OPCML: variants seen among roughly 807,000 people sequenced by gnomAD.
OPCML encodes the protein opioid-binding protein/cell adhesion molecule.
Under a neutral mutation model 37.8 loss-of-function variants are expected in OPCML, and 13 were observed. That is an observed-to-expected ratio of 0.34 (90% CI 0.22 to 0.55). OPCML has a LOEUF of 0.55. Ranked by LOEUF, OPCML falls within the 20% of genes least tolerant of loss-of-function variation. The probability of loss-of-function intolerance (pLI) is 0.91; values close to 1 mark genes in which losing one functional copy is unlikely to be tolerated. For missense variants in OPCML, 341 were observed against 435.6 expected (o/e 0.78, Z 1.93); for synonymous variants, 176 against 168.8 (o/e 1.04, Z -0.33).
At chr11:132,903,842 T>C (rs1944144573) in intron 2 of OPCML, among the ~76,000 whole-genome samples, 1 of 152,110 alleles carries the variant, frequency 6.6e-6, no homozygotes, top group Non-Finnish European at 1.5e-5. Context: ...GGGAAAAAAA[T>C]GAGTGTTTGC....
intron 1 of OPCML, among the ~76,000 whole-genome samples, chr11:133,372,441 G>A (rs1331753142): frequency 1.3e-5 from 2 of 152,186 alleles, no homozygotes; most frequent in African/African-American, 4.8e-5. Context: ...TGAGGTTGTT[G>A]TGAGGTTGTA....
chr11:132,938,214 T>G (rs940765558), intron 2 of OPCML, among the ~76,000 whole-genome samples: 3 of 152,062 alleles, frequency 2.0e-5, no homozygotes, highest in African/African-American at 7.2e-5. Context: ...CACCACAGTA[T>G]CTATAGTCAA....
At chr11:132,994,180 G>C (rs1946834647) in intron 1 of OPCML, among the ~76,000 whole-genome samples, 1 of 152,240 alleles carries the variant, frequency 6.6e-6, no homozygotes, top group African/African-American at 2.4e-5. Flanking sequence ...ATGTAAATAA[G>C]ATTCAGGGCG....
intron 2 of OPCML, among the ~76,000 whole-genome samples, chr11:132,784,759 CT>C (rs977081116): frequency 6.6e-6 from 1 of 152,138 alleles, no homozygotes; most frequent in Non-Finnish European, 1.5e-5. Context: ...TGAAAAGAGC[CT>C]GGCACCTCCT....
At chr11:132,638,119 C>G (rs1430281028) in intron 3 of OPCML, among the ~76,000 whole-genome samples, 2 of 144,296 alleles carry the variant, frequency 1.4e-5, no homozygotes, top group Admixed American at 1.4e-4. Flanking sequence ...TAGATGTCAA[C>G]TGCAATCACT....
intron 1 of OPCML, among the ~76,000 whole-genome samples, chr11:133,102,689 G>A (rs1013585604): frequency 1.3e-5 from 2 of 152,194 alleles, no homozygotes; most frequent in Non-Finnish European, 2.9e-5. Context: ...GGTGGAGCTT[G>A]CAGTGAGCTG....
At chr11:133,442,130 C>T (rs892356267) in intron 1 of OPCML, among the ~76,000 whole-genome samples, 6 of 152,180 alleles carry the variant, frequency 3.9e-5, no homozygotes, top group Non-Finnish European at 7.3e-5. Context: ...GCCTAGAGAA[C>T]CAAAATAACT....
chr11:133,036,721 T>A (rs1365890673), intron 1 of OPCML, among the ~76,000 whole-genome samples: 2 of 152,140 alleles, frequency 1.3e-5, no homozygotes, highest in Admixed American at 1.3e-4. Flanking sequence ...CTGAGAAAAA[T>A]AATCCAAGAC....
At chr11:132,436,585 C>T in intron 6 of OPCML, 74 bp downstream of exon 6, 1 of 1,584,616 alleles carries the variant, frequency 6.3e-7, no homozygotes, top group Non-Finnish European at 8.6e-7. Context: ...TTTTCTTCAT[C>T]CTCATCCTTC....
chr11:133,376,453 C>T (rs2136766629), intron 1 of OPCML, among the ~76,000 whole-genome samples: 1 of 152,068 alleles, frequency 6.6e-6, no homozygotes, highest in Non-Finnish European at 1.5e-5. Flanking sequence ...AGGAAAGATG[C>T]CCATATACAT....
At chr11:133,404,366 G>A (rs1466762667) in intron 1 of OPCML, among the ~76,000 whole-genome samples, 1 of 152,204 alleles carries the variant, frequency 6.6e-6, no homozygotes, top group Non-Finnish European at 1.5e-5. Flanking sequence ...CTTTTTGTGT[G>A]ACACAATTCA....
intron 2 of OPCML, among the ~76,000 whole-genome samples, chr11:132,856,477 T>C (rs985745906): frequency 1.6e-4 from 25 of 152,278 alleles, no homozygotes; most frequent in Middle Eastern, 3.4e-3. Context: ...GTTGTTAAAC[T>C]GTCTCTCTAA....
chr11:132,811,629 A>T (rs1387325197), intron 2 of OPCML, among the ~76,000 whole-genome samples: 1 of 152,148 alleles, frequency 6.6e-6, no homozygotes, highest in Non-Finnish European at 1.5e-5. Flanking sequence ...GTGAGAACAG[A>T]GACAGATCCT....
At chr11:132,905,512 C>T (rs1591783605) in intron 2 of OPCML, among the ~76,000 whole-genome samples, 2 of 152,200 alleles carry the variant, frequency 1.3e-5, no homozygotes, top group Admixed American at 6.5e-5. Flanking sequence ...GGATTACAGG[C>T]GTGAGCCACC....
At chr11:132,846,073 GCAGGACA>G (rs1411237283) in intron 2 of OPCML, among the ~76,000 whole-genome samples, 5 of 152,140 alleles carry the variant, frequency 3.3e-5, no homozygotes, top group Non-Finnish European at 5.9e-5. Flanking sequence ...AAAGAAAAGG[GCAGGACA>G]CATTTCCATA....
chr11:132,742,508 C>T (rs117089927), intron 2 of OPCML, among the ~76,000 whole-genome samples: 2,709 of 152,034 alleles, frequency 0.018, 41 homozygotes, highest in Middle Eastern at 0.031. Context: ...TCTTGGAGTT[C>T]CCAGACACCA....
chr11:132,488,879 C>T (rs2096207734), intron 4 of OPCML, among the ~76,000 whole-genome samples: 1 of 152,070 alleles, frequency 6.6e-6, no homozygotes, highest in Non-Finnish European at 1.5e-5. Flanking sequence ...ATAGAAACAC[C>T]AGTGGCACAT....
chr11:132,559,534 T>C (rs993778592), intron 3 of OPCML, among the ~76,000 whole-genome samples: 2 of 152,182 alleles, frequency 1.3e-5, no homozygotes, highest in Admixed American at 6.5e-5. Context: ...TTCTGCTTTT[T>C]ATTAGTACTT....
In OPCML at chr11:133,208,300, G is replaced by A. The variant is rs1353999952; in HGVS notation, c.62-265290C>T. 1.3e-5 allele frequency among the ~76,000 whole-genome samples: 2 copies of A among 152,180 alleles called. No individual in the cohort carries two copies. ...TATAAATACCAGTGAGTGAATGAAT[G>A]CGGGACAGAAGCCTACACTACCGTG... is the stretch of plus-strand genomic sequence containing the variant. On this transcript the variant is annotated intron_variant, in intron 1 of 7. Coordinates refer to ENST00000524381, the MANE Select transcript of OPCML (RefSeq NM_001012393.5). This position sits in a 1 kb window ranked among gnomAD's most constrained non-coding sequence, Gnocchi z 8.9.
Sources: gnomAD v4.1 joint callset for allele counts (sites outside exome capture counted in the v4.1 genomes callset) on GRCh38, gnomAD v4.1.1 for gene constraint, Gnocchi (gnomAD v3.1) non-coding constraint, MANE v1.5 for transcripts, NCBI Gene and HGNC (gene_info 2026-07-23, HGNC 2026-07-21) for gene names.